Variants in APP observed in about 807,000 individuals in gnomAD.
The protein encoded by APP is amyloid-beta precursor protein.
APP carries 31 observed loss-of-function variants against 101.4 expected under a neutral mutation model. The observed-to-expected ratio is 0.31, with a 90% CI of 0.23 to 0.41. The LOEUF (loss-of-function observed/expected upper bound fraction) is 0.41, where lower values mean the gene tolerates loss of function less well. Ranked by LOEUF, APP falls within the 10% of genes least tolerant of loss-of-function variation. The pLI is 1.00. For synonymous variants in APP, 366 were observed against 364.4 expected (o/e 1.00, Z -0.05); for missense variants, 839 against 1,003.7 (o/e 0.84, Z 2.22).
At position 25,997,362 on chromosome 21, in the gene APP, T is replaced by G; in HGVS notation, c.1088A>C (p.Lys363Thr). 6.2e-7 allele frequency: 1 copy of G among 1,613,800 alleles called. No homozygotes were observed. The highest frequency in any genetic ancestry group is 8.5e-7 in the Non-Finnish European group (1 of 1,179,706). The change falls in exon 8 of 18, where the codon AAA becomes ACA. Residue 363 changes from lysine (K) to threonine (T), a missense_variant and splice_region_variant. Coordinates refer to ENST00000346798, the MANE Select transcript of APP (RefSeq NM_000484.4). ...CCCTCAGGTGAATGACAACGTACGTTTAACAGGATCTCGGGCAAGAGGTTC... is the reference window on the plus strand; with the variant it reads ...CCCTCAGGTGAATGACAACGTACGTGTAACAGGATCTCGGGCAAGAGGTTC... ...TQEPLARDPV[K>T]LPTTAASTPD...
chr21:26,135,031 C>T (rs531489837), intron 1 of APP, among the ~76,000 whole-genome samples: 1 of 152,322 alleles, frequency 6.6e-6, no homozygotes, highest in East Asian at 1.9e-4. Flanking sequence ...AACATTTCAT[C>T]AAATCTCTAT....
At position 25,881,724 on chromosome 21, in the gene APP, C is replaced by T. The variant is rs752508182; in HGVS notation, c.2259G>A (p.Gln753=). Residue 753 remains glutamine (Q), a synonymous_variant, in exon 18 of 18, where the codon CAG becomes CAA. Transcript: ENST00000346798. ...TPEERHLSKM[Q]QNGYENPTYK... ...AGGTTGGATTTTCGTAGCCGTTCTG[C>T]TGCATCTTGGACAGGTGGCGCTCCT... 2.5e-6 allele frequency: 4 copies of T among 1,614,034 alleles called. No homozygotes were observed. The South Asian group carries it at 3.3e-5, about 13-fold the overall frequency.
intron 1 of APP, among the ~76,000 whole-genome samples, chr21:26,112,559 C>T (rs2146207946): frequency 6.6e-6 from 1 of 152,330 alleles, no homozygotes; most frequent in African/African-American, 2.4e-5. Context: ...GCCTGCCAGG[C>T]CCTGCCTGAT....
chr21:26,072,042 A>C (rs1017898082), intron 3 of APP, among the ~76,000 whole-genome samples: 1 of 152,226 alleles, frequency 6.6e-6, no homozygotes. Flanking sequence ...AGGGCAGTTG[A>C]CTATTTATAT....
intron 1 of APP, among the ~76,000 whole-genome samples, chr21:26,136,542 C>A (rs1413324714): frequency 1.3e-5 from 2 of 152,090 alleles, no homozygotes; most frequent in African/African-American, 4.8e-5. Context: ...TAGAATTCAT[C>A]TTTGGTAACC....
intron 11 of APP, among the ~76,000 whole-genome samples, chr21:25,959,154 G>T (rs1326612546): frequency 1.3e-5 from 2 of 152,222 alleles, no homozygotes; most frequent in Non-Finnish European, 2.9e-5. Flanking sequence ...TTAAAAACAG[G>T]CCAGGCGCCG....
chr21:26,143,908 G>A (rs543389550), intron 1 of APP, among the ~76,000 whole-genome samples: 1 of 152,284 alleles, frequency 6.6e-6, no homozygotes, highest in South Asian at 2.1e-4. Context: ...GTCAAATTAT[G>A]TAGCCTCCCT....
intron 8 of APP, among the ~76,000 whole-genome samples, chr21:25,996,360 A>G (rs565699453): frequency 6.6e-6 from 1 of 152,240 alleles, no homozygotes; most frequent in East Asian, 1.9e-4. Context: ...CGGGTCTTAT[A>G]ACACACATAA....
intron 15 of APP, among the ~76,000 whole-genome samples, chr21:25,904,665 G>C (rs1374749344): frequency 6.6e-6 from 1 of 151,850 alleles, no homozygotes; most frequent in East Asian, 1.9e-4. Context: ...TCACCTGAGA[G>C]TCTACATCTA....
At chr21:26,017,198 C>CAATA (rs1555847060) in intron 6 of APP, among the ~76,000 whole-genome samples, 1 of 56,364 alleles carries the variant, frequency 1.8e-5, no homozygotes, top group African/African-American at 8.5e-5. Context: ...GACTGTATCT[C>CAATA]AAAAAAAAAA....
At chr21:26,097,431 A>T (rs1350020663) in intron 2 of APP, among the ~76,000 whole-genome samples, 1 of 152,222 alleles carries the variant, frequency 6.6e-6, no homozygotes, top group East Asian at 1.9e-4. Context: ...AGGGACTTTC[A>T]GTATACATTA....
chr21:26,149,256 T>C (rs2063213687), intron 1 of APP, among the ~76,000 whole-genome samples: 1 of 152,066 alleles, frequency 6.6e-6, no homozygotes, highest in Non-Finnish European at 1.5e-5. Context: ...TGGTTAAGAG[T>C]AAAGACAATG....
chr21:25,954,656 T>C lies in APP; in HGVS notation c.1621A>G (p.Met541Val), dbSNP rs2041235170. Residue 541 changes from methionine to valine, a missense_variant, in exon 13 of 18, where the codon ATG becomes GTG. Met to Val is a conservative substitution (Grantham distance 21, BLOSUM62 1). Transcript: ENST00000346798. ...TAGAGCAGGGAGAGAGACTGATTCA[T>C]GCGCTCATAAATCACACGGAGGTGT... ...MTHLRVIYER[M>V]NQSLSLLYNV... 1 of 1,614,008 alleles carries C rather than the reference T, an allele frequency of 6.2e-7. No individual in the cohort carries two copies. The highest frequency in any genetic ancestry group is 8.5e-7 in the Non-Finnish European group (1 of 1,180,024).
intron 3 of APP, among the ~76,000 whole-genome samples, chr21:26,087,056 A>G (rs1209370446): frequency 6.6e-6 from 1 of 152,186 alleles, no homozygotes; most frequent in Non-Finnish European, 1.5e-5. Context: ...TATGTTACCT[A>G]TGTTACACCT....
intron 3 of APP, among the ~76,000 whole-genome samples, chr21:26,076,979 C>T (rs1455759404): frequency 1.3e-5 from 2 of 150,768 alleles, no homozygotes; most frequent in African/African-American, 2.4e-5. Context: ...AGGAGAATGG[C>T]GTGAACCCAG....
chr21:25,951,298 T>C (rs961648994), intron 13 of APP, among the ~76,000 whole-genome samples: 3 of 152,320 alleles, frequency 2.0e-5, no homozygotes, highest in Non-Finnish European at 2.9e-5. Context: ...AGAATTCTAA[T>C]TGGAAGCATA....
intron 8 of APP, among the ~76,000 whole-genome samples, chr21:25,986,851 T>G (rs774962597): frequency 3.3e-5 from 5 of 152,246 alleles, no homozygotes; most frequent in Non-Finnish European, 7.3e-5. Context: ...GCATGTTCTG[T>G]GTTCTCGTTT....
intron 13 of APP, among the ~76,000 whole-genome samples, chr21:25,950,078 T>TG (rs764799963): frequency 1.1e-4 from 17 of 152,216 alleles, no homozygotes; most frequent in Non-Finnish European, 2.1e-4. Context: ...CTTGGCTCCT[T>TG]GAGTGGGATG....
At chr21:26,071,807 A>T (rs2061416349) in intron 3 of APP, among the ~76,000 whole-genome samples, 1 of 152,240 alleles carries the variant, frequency 6.6e-6, no homozygotes, top group Non-Finnish European at 1.5e-5. Context: ...TAAAATTAAC[A>T]GGCTGTAGGA....
Sources: gnomAD v4.1 joint callset for allele counts (sites outside exome capture counted in the v4.1 genomes callset) on GRCh38, gnomAD v4.1.1 for gene constraint, MANE v1.5 for transcripts, NCBI Gene and HGNC (gene_info 2026-07-23, HGNC 2026-07-21) for gene names.